The following GLRA2 variants were observed in gnomAD, a reference collection of about 807,000 sequenced individuals.
GLRA2 encodes the protein glycine receptor alpha 2.
GLRA2 carries 11 observed loss-of-function variants against 31.6 expected under a neutral mutation model. That is an observed-to-expected ratio of 0.35 (90% CI 0.22 to 0.58). The LOEUF is 0.58. Among genes scored for constraint, GLRA2 ranks in the 20% least tolerant of loss-of-function variants. The pLI, the probability that GLRA2 is intolerant of heterozygous loss-of-function variation, is 0.84. For synonymous variants in GLRA2, 132 were observed against 134.0 expected, an observed-to-expected ratio of 0.99 and a Z score of 0.10; for missense variants, 212 against 351.8, an observed-to-expected ratio of 0.60 and a Z score of 3.18.
At chrX:14,525,883 T>C (rs143359096), upstream of GLRA2, among the ~76,000 whole-genome samples, 622 of 112,080 alleles carry the variant, frequency 5.5e-3, 2 homozygotes, top group African/African-American at 0.019. Context: ...TATTTAAAAT[T>C]ATATACTAGT....
At chrX:14,518,763 C>A in the GLRA2 span, among the ~76,000 whole-genome samples, 1 of 108,519 alleles carries the variant, frequency 9.2e-6, no homozygotes, top group African/African-American at 3.4e-5. Context: ...GTAATCCCAG[C>A]ACTTTGGGAG....
intron 8 of GLRA2, among the ~76,000 whole-genome samples, chrX:14,691,324 T>TGTGTGCGCGC (rs1224170856): frequency 1.6e-5 from 1 of 64,345 alleles, no homozygotes; most frequent in African/African-American, 6.6e-5. Flanking sequence ...TGTGTGTGTG[T>TGTGTGCGCGC]GCGCGCGTGC....
chrX:14,545,939 G>A (rs895814824), intron 2 of GLRA2, among the ~76,000 whole-genome samples: 3 of 111,361 alleles, frequency 2.7e-5, no homozygotes, highest in Non-Finnish European at 3.8e-5. Context: ...TGTTTGAAAG[G>A]AAATGTTACA....
intron 2 of GLRA2, among the ~76,000 whole-genome samples, chrX:14,545,452 C>CAT: frequency 9.0e-6 from 1 of 111,301 alleles, no homozygotes; most frequent in Non-Finnish European, 1.9e-5. Context: ...ACCTAATCAT[C>CAT]TCTTAGAGGC....
intron 1 of GLRA2, among the ~76,000 whole-genome samples, chrX:14,531,597 A>G (rs2089256795): frequency 9.0e-6 from 1 of 111,270 alleles, no homozygotes; most frequent in African/African-American, 3.3e-5. Flanking sequence ...AGCATTTAAT[A>G]TATAAGCATA....
chrX:14,584,021 A>G (rs1040583122), intron 4 of GLRA2, among the ~76,000 whole-genome samples: 6 of 111,180 alleles, frequency 5.4e-5, no homozygotes, highest in African/African-American at 2.0e-4. Context: ...GACACAAAGA[A>G]GGGAACAACA....
At chrX:14,481,117 T>A in the GLRA2 span, among the ~76,000 whole-genome samples, 2 of 111,583 alleles carry the variant, frequency 1.8e-5, no homozygotes, top group African/African-American at 6.5e-5. Context: ...CCTAGGTATT[T>A]CATTATTTGT....
chrX:14,632,775 T>TG (rs781285005), intron 7 of GLRA2, among the ~76,000 whole-genome samples: 9 of 111,666 alleles, frequency 8.1e-5, no homozygotes, highest in Non-Finnish European at 1.7e-4. Flanking sequence ...CCATGGATGC[T>TG]GCCACTAAAT....
chrX:14,670,585 C>G (rs542675766), intron 7 of GLRA2, among the ~76,000 whole-genome samples: 5 of 111,380 alleles, frequency 4.5e-5, no homozygotes, highest in African/African-American at 1.3e-4. Flanking sequence ...CAAAAGAGAG[C>G]TTGTGCAGAG....
rs549227737 is a variant in GLRA2 at position 14,549,010 on chromosome X, G to A, written c.202+16638G>A. Among the ~76,000 whole-genome samples the A allele has an allele frequency of 6.2e-5, 7 of 112,056 alleles. No homozygotes were observed. The South Asian group carries it at 1.9e-3, about 30-fold the overall frequency. The stretch of plus-strand genomic sequence containing the variant: ...AAAATCTTTACAAAAGACTAGGGGG[G>A]CTAACTAAGGTATCCACTAATAGTG... On this transcript the variant is annotated intron_variant, in intron 2 of 8. Coordinates refer to ENST00000218075, the MANE Select transcript of GLRA2 (RefSeq NM_002063.4).
At chrX:14,672,852 G>C (rs1288641475) in intron 7 of GLRA2, among the ~76,000 whole-genome samples, 1 of 111,381 alleles carries the variant, frequency 9.0e-6, no homozygotes, top group African/African-American at 3.3e-5. Flanking sequence ...ACAGTAGGTA[G>C]CTGATTAACT....
chrX:14,478,559 T>A, the GLRA2 span, among the ~76,000 whole-genome samples: 1 of 112,165 alleles, frequency 8.9e-6, no homozygotes, highest in Non-Finnish European at 1.9e-5. Context: ...CTTCTTCTAG[T>A]CATCTGACAA....
chrX:14,535,745 T>C (rs2089314925), intron 2 of GLRA2, among the ~76,000 whole-genome samples: 1 of 112,692 alleles, frequency 8.9e-6, no homozygotes, highest in African/African-American at 3.2e-5. Flanking sequence ...AGGTGATTTG[T>C]CTCATTTTCA....
At chrX:14,515,383 G>C in the GLRA2 span, among the ~76,000 whole-genome samples, 4 of 111,642 alleles carry the variant, frequency 3.6e-5, no homozygotes, top group South Asian at 1.5e-3. Context: ...AATTTCATTG[G>C]AATTCCTAAT....
intron 2 of GLRA2, among the ~76,000 whole-genome samples, chrX:14,542,641 A>G (rs376176974): frequency 6.4e-5 from 7 of 109,923 alleles, no homozygotes; most frequent in East Asian, 2.9e-4. Context: ...AAAAAAAAAA[A>G]CCCTGTGGCA....
rs775051810 is a variant in GLRA2, at chrX:14,619,314, C to A, written c.930+10109C>A. On this transcript the variant is annotated intron_variant, in intron 7 of 8. Coordinates refer to ENST00000218075, the MANE Select transcript of GLRA2 (RefSeq NM_002063.4). ...CTCCCTGTTGAACATCTTCCCATAG[C>A]TCCCTGTTGAACATCTTCCCATAGC... Among the ~76,000 whole-genome samples the A allele has an allele frequency of 3.6e-5, 4 of 111,323 alleles. No individual in the cohort carries two copies. The Admixed American group carries it at 3.8e-4, about 11-fold the overall frequency.
chrX:14,451,081 A>C, the GLRA2 span, among the ~76,000 whole-genome samples: 1 of 111,776 alleles, frequency 8.9e-6, no homozygotes, highest in African/African-American at 3.3e-5. Context: ...ACAGGAAAAT[A>C]ATCTTTTCCA....
At chrX:14,459,594 C>T in the GLRA2 span, among the ~76,000 whole-genome samples, 10 of 111,222 alleles carry the variant, frequency 9.0e-5, no homozygotes, top group South Asian at 7.6e-4. Context: ...TTCACATCCC[C>T]TGTAAGTTGG....
intron 4 of GLRA2, among the ~76,000 whole-genome samples, chrX:14,600,263 C>T (rs1601752102): frequency 9.0e-6 from 1 of 111,097 alleles, no homozygotes; most frequent in East Asian, 2.8e-4. Context: ...GGTCATTTTG[C>T]AAAACAGTCA....
Sources: gnomAD v4.1 joint callset for allele counts (sites outside exome capture counted in the v4.1 genomes callset) on GRCh38, gnomAD v4.1.1 for gene constraint, MANE v1.5 for transcripts, NCBI Gene and HGNC (gene_info 2026-07-23, HGNC 2026-07-21) for gene names.